The following ZNF804A variants were observed in gnomAD, a reference collection of about 807,000 sequenced individuals.
ZNF804A encodes zinc finger protein 804A.
A neutral mutation model predicts 16.5 loss-of-function variants in ZNF804A; 2 were observed. The ratio of observed to expected loss-of-function variants is 0.12; its 90% confidence interval spans 0.05 to 0.38. The LOEUF (loss-of-function observed/expected upper bound fraction) is 0.38, where lower values mean the gene tolerates loss of function less well. ZNF804A is among the 10% of genes least tolerant of loss of function. The pLI is 0.99. For missense variants in ZNF804A, 1,473 were observed against 1,390.7 expected, an observed-to-expected ratio of 1.06 and a Z score of -0.94; for synonymous variants, 534 against 489.6, an observed-to-expected ratio of 1.09 and a Z score of -1.20.
At chr2:184,610,825 C>T (rs1691224668) in intron 1 of ZNF804A, among the ~76,000 whole-genome samples, 1 of 152,072 alleles carries the variant, frequency 6.6e-6, no homozygotes, top group Admixed American at 6.5e-5. Flanking sequence ...GTGTTATGAC[C>T]TGGGTAAAGT....
intron 1 of ZNF804A, among the ~76,000 whole-genome samples, chr2:184,756,284 G>A (rs952924272): frequency 6.6e-6 from 1 of 151,634 alleles, no homozygotes; most frequent in African/African-American, 2.4e-5. Flanking sequence ...ATCTTGCTAT[G>A]TTGCCCAGGC....
intron 1 of ZNF804A, among the ~76,000 whole-genome samples, chr2:184,861,707 T>C (rs886449531): frequency 1.3e-5 from 2 of 152,202 alleles, no homozygotes; most frequent in African/African-American, 4.8e-5. Context: ...ATGAGGCTAC[T>C]ATGAATTGCG....
At chr2:184,859,334 T>C (rs1225745521) in intron 1 of ZNF804A, among the ~76,000 whole-genome samples, 1 of 152,122 alleles carries the variant, frequency 6.6e-6, no homozygotes, top group African/African-American at 2.4e-5. Context: ...TTTTAAATAT[T>C]CTTTTTTGAG....
In ZNF804A at chr2:184,701,816, G is replaced by A. The variant is rs17430890; in HGVS notation, c.111+102746G>A. Reference sequence around the variant, plus strand: ...TTACTACAATTAGAGTTAACTGAGTGTTGTTTTAAGGCCACTCTATGTCAC... The same window carrying A: ...TTACTACAATTAGAGTTAACTGAGTATTGTTTTAAGGCCACTCTATGTCAC... On this transcript the variant is annotated intron_variant, in intron 1 of 3. Coordinates refer to ENST00000302277, the MANE Select transcript of ZNF804A (RefSeq NM_194250.2). 3.3e-4 allele frequency among the ~76,000 whole-genome samples: 50 copies of A among 152,000 alleles called. 1 individual carries two copies. In the East Asian group the frequency reaches 3.5e-3, roughly 11 times the overall value.
chr2:184,923,176 C>A (rs1685557251), intron 2 of ZNF804A, among the ~76,000 whole-genome samples: 1 of 151,968 alleles, frequency 6.6e-6, no homozygotes, highest in South Asian at 2.1e-4. Flanking sequence ...TTCTTTCAAT[C>A]CATGAAAATG....
rs1220109844 is a variant in ZNF804A at position 184,703,154 on chromosome 2, AT to A, written c.111+104088del. Among the ~76,000 whole-genome samples, 17 of 152,182 alleles carry A rather than the reference AT, an allele frequency of 1.1e-4. 1 individual carries two copies. The highest frequency in any genetic ancestry group is 1.1e-3 in the Admixed American group (17 of 15,274). On this transcript the variant is annotated intron_variant, in intron 1 of 3. Transcript: ENST00000302277. ...TCGTGAAGTGTTTACTACCCAAATA[AT>A]TTTAATGGAAAAACTGTAGTATTTA...
At chr2:184,726,619 A>G (rs936995653) in intron 1 of ZNF804A, among the ~76,000 whole-genome samples, 5 of 151,664 alleles carry the variant, frequency 3.3e-5, no homozygotes, top group Non-Finnish European at 7.4e-5. Flanking sequence ...TTTCACGTAT[A>G]TCAGTGACAA....
intron 1 of ZNF804A, among the ~76,000 whole-genome samples, chr2:184,611,578 CAAT>C (rs1250825187): frequency 6.6e-6 from 1 of 152,058 alleles, no homozygotes; most frequent in Non-Finnish European, 1.5e-5. Flanking sequence ...TAATTCTCTT[CAAT>C]AATAATTTTG....
chr2:184,886,747 T>C (rs777237815), intron 2 of ZNF804A, among the ~76,000 whole-genome samples: 3 of 152,208 alleles, frequency 2.0e-5, no homozygotes, highest in Non-Finnish European at 4.4e-5. Flanking sequence ...TTGGCCCCTT[T>C]CAGCCATGGC....
intron 2 of ZNF804A, among the ~76,000 whole-genome samples, chr2:184,878,104 C>A (rs1160230655): frequency 3.7e-4 from 56 of 152,090 alleles, no homozygotes; most frequent in Non-Finnish European, 7.4e-5. Context: ...TGTTATGCAA[C>A]AAGTTTGTTG....
At chr2:184,846,149 T>G (rs897893589) in intron 1 of ZNF804A, among the ~76,000 whole-genome samples, 1 of 152,128 alleles carries the variant, frequency 6.6e-6, no homozygotes, top group Non-Finnish European at 1.5e-5. Flanking sequence ...CTACTCTCTC[T>G]CACTTTGTAC....
chr2:184,622,822 G>A (rs1038351328), intron 1 of ZNF804A, among the ~76,000 whole-genome samples: 1 of 151,800 alleles, frequency 6.6e-6, no homozygotes, highest in African/African-American at 2.4e-5. Flanking sequence ...ACTTAGAACC[G>A]GAATACATAT....
Position 184,939,014 on chromosome 2 carries a change from A to C in ZNF804A, c.3618A>C (p.Gln1206His). ...LSPHPTVIPL[Q>H]PLF ...CACACCCTACTGTCATCCCTTTGCA[A>C]CCTCTCTTCTAGTCATCACCATAAT... Residue 1206 changes from glutamine (Q) to histidine (H), a missense_variant, in exon 4 of 4, where the codon CAA becomes CAC. Gln to His is a conservative substitution (Grantham distance 24, BLOSUM62 0). Coordinates refer to ENST00000302277, the MANE Select transcript of ZNF804A (RefSeq NM_194250.2). The C allele has an allele frequency of 6.2e-7, 1 of 1,613,296 alleles. No homozygotes were observed. Among genetic ancestry groups the C allele is most frequent in the Non-Finnish European group, 8.5e-7 (1 of 1,179,618 alleles).
At chr2:184,619,467 A>T (rs1057491581) in intron 1 of ZNF804A, among the ~76,000 whole-genome samples, 1 of 152,018 alleles carries the variant, frequency 6.6e-6, no homozygotes, top group Non-Finnish European at 1.5e-5. Context: ...AACATTATTA[A>T]TGGCAATAAA....
chr2:184,718,954 C>A (rs1190113197), intron 1 of ZNF804A, among the ~76,000 whole-genome samples: 1 of 152,100 alleles, frequency 6.6e-6, no homozygotes, highest in Non-Finnish European at 1.5e-5. Flanking sequence ...GGGCTCTGAC[C>A]CCACATTACC....
At chr2:184,651,833 C>G (rs1213671123) in intron 1 of ZNF804A, among the ~76,000 whole-genome samples, 6 of 152,130 alleles carry the variant, frequency 3.9e-5, no homozygotes, top group Admixed American at 2.6e-4. Flanking sequence ...TGCTTATACA[C>G]TGTTTGTGGG....
At chr2:184,645,702 G>A (rs1362243983) in intron 1 of ZNF804A, among the ~76,000 whole-genome samples, 1 of 152,130 alleles carries the variant, frequency 6.6e-6, no homozygotes, top group Non-Finnish European at 1.5e-5. Context: ...GGGGATTAGA[G>A]GCTTTCAGCA....
At position 184,613,699 on chromosome 2, in the gene ZNF804A, A is replaced by G. The variant is rs537167298; in HGVS notation, c.111+14629A>G. ...AAGAAGAATTGGTGCTACAAAGAGA[A>G]TAAAATACCTAGGAATACAACTTAC... On this transcript the variant is annotated intron_variant, in intron 1 of 3. Coordinates refer to ENST00000302277, the MANE Select transcript of ZNF804A (RefSeq NM_194250.2). Among the ~76,000 whole-genome samples, 13 of 152,312 alleles carry G rather than the reference A, an allele frequency of 8.5e-5. No homozygotes were observed. The East Asian group carries it at 2.1e-3, about 25-fold the overall frequency.
chr2:184,706,119 T>G (rs959891032), intron 1 of ZNF804A, among the ~76,000 whole-genome samples: 2 of 152,134 alleles, frequency 1.3e-5, no homozygotes, highest in South Asian at 2.1e-4. Flanking sequence ...TTATCACTAT[T>G]TTTTCAGTCA....
Sources: allele counts gnomAD v4.1 joint callset (sites outside exome capture counted in the v4.1 genomes callset), GRCh38; gene constraint gnomAD v4.1.1; transcripts MANE v1.5; gene names NCBI Gene and HGNC (gene_info 2026-07-23, HGNC 2026-07-21).